EBF1: variants seen among roughly 807,000 people sequenced by gnomAD.
The protein encoded by EBF1 is transcription factor COE1.
A neutral mutation model predicts 68.4 loss-of-function variants in EBF1; 10 were observed. The observed-to-expected ratio is 0.15, with a 90% CI of 0.09 to 0.25. EBF1 has a LOEUF of 0.25. Ranked by LOEUF, EBF1 falls within the 10% of genes least tolerant of loss-of-function variation. EBF1 has a pLI of 1.00. For missense variants in EBF1, 509 were observed against 794.4 expected, an observed-to-expected ratio of 0.64 and a Z score of 4.32; for synonymous variants, 298 against 299.8, an observed-to-expected ratio of 0.99 and a Z score of 0.06.
chr5:158,896,082 TAAAAG>T (rs1258544444), intron 6 of EBF1, among the ~76,000 whole-genome samples: 1 of 151,934 alleles, frequency 6.6e-6, no homozygotes, highest in Non-Finnish European at 1.5e-5. Flanking sequence ...ACAAAGTCAA[TAAAAG>T]AAAGAAATAA....
intron 10 of EBF1, among the ~76,000 whole-genome samples, chr5:158,748,796 G>A (rs1262147533): frequency 6.6e-6 from 1 of 152,164 alleles, no homozygotes; most frequent in Non-Finnish European, 1.5e-5. Flanking sequence ...ATGCCATTCT[G>A]CCCTCTGAAT....
chr5:158,956,863 A>T (rs905754322), intron 6 of EBF1, among the ~76,000 whole-genome samples: 1 of 146,722 alleles, frequency 6.8e-6, no homozygotes, highest in African/African-American at 2.6e-5. Context: ...GGTTCACACC[A>T]TTCTCCTGCC....
chr5:158,735,266 C>A (rs968459069), intron 10 of EBF1, among the ~76,000 whole-genome samples: 2 of 152,164 alleles, frequency 1.3e-5, no homozygotes, highest in African/African-American at 4.8e-5. Flanking sequence ...ATAGTCACCT[C>A]CTCTGCTCCT....
At position 158,766,292 on chromosome 5, in the gene EBF1, G is replaced by A. The variant is rs529897613; in HGVS notation, c.1036+11121C>T. 1.3e-3 allele frequency among the ~76,000 whole-genome samples: 193 copies of A among 152,242 alleles called. 3 individuals carry two copies. In the South Asian group the frequency reaches 0.013, roughly 10 times the overall value. ...AAAGCACCATGCATAGATTTAAAAA[G>A]AGGTGTATCACAAACAACTTAGAAG... On this transcript the variant is annotated intron_variant, in intron 10 of 15. Transcript: ENST00000313708.
chr5:158,731,231 G>T, intron 10 of EBF1, 74 bp from the exon 11 acceptor site: 1 of 1,391,084 alleles, frequency 7.2e-7, no homozygotes, highest in Non-Finnish European at 1.0e-6. Flanking sequence ...CACTAATGGT[G>T]TGGAAATAAC....
chr5:158,962,787 C>T (rs1228024365), intron 6 of EBF1, among the ~76,000 whole-genome samples: 1 of 152,212 alleles, frequency 6.6e-6, no homozygotes, highest in Non-Finnish European at 1.5e-5. Context: ...CGAGCCATCT[C>T]TGCAGCCTCC....
chr5:158,727,572 A>G lies in EBF1; in HGVS notation c.1125+3497T>C, dbSNP rs150339510. On this transcript the variant is annotated intron_variant, in intron 11 of 15. Transcript: ENST00000313708. Reference sequence around the variant, plus strand: ...GTATGAAACAGAACAGAATGCTGTGATTTAAAAACCTTAGCCTGCCCTTTT... The same window carrying G: ...GTATGAAACAGAACAGAATGCTGTGGTTTAAAAACCTTAGCCTGCCCTTTT... Among the ~76,000 whole-genome samples the G allele has an allele frequency of 2.5e-4, 38 of 152,352 alleles. 1 individual carries two copies. The East Asian group carries it at 7.1e-3, about 29-fold the overall frequency.
In EBF1 at chr5:158,711,999, A is replaced by T. The variant is rs569652852; in HGVS notation, c.1549+155T>A. 1.2e-4 allele frequency among the ~76,000 whole-genome samples: 18 copies of T among 152,328 alleles called. 1 individual carries two copies. The highest frequency in any genetic ancestry group is 3.4e-4 in the African/African-American group (14 of 41,578). Reference sequence around the variant, plus strand: ...AGAGCGGAGATTCCTGCTGGAGACGATGGTGCCTTTAGCACCATCACCCAG... The same window carrying T: ...AGAGCGGAGATTCCTGCTGGAGACGTTGGTGCCTTTAGCACCATCACCCAG... On this transcript the variant is annotated intron_variant, in intron 14 of 15. Coordinates refer to ENST00000313708, the MANE Select transcript of EBF1 (RefSeq NM_024007.5).
intron 11 of EBF1, among the ~76,000 whole-genome samples, chr5:158,726,424 C>T (rs577123850): frequency 1.3e-5 from 2 of 152,272 alleles, no homozygotes; most frequent in Admixed American, 1.3e-4. Flanking sequence ...AGTGTAATTA[C>T]TCTTTTTTAA....
intron 10 of EBF1, among the ~76,000 whole-genome samples, chr5:158,769,983 A>C (rs1773548426): frequency 6.6e-6 from 1 of 152,068 alleles, no homozygotes. Flanking sequence ...AAGTGAAAAC[A>C]ATCTGACAAA....
chr5:158,897,436 G>A (rs1802389910), intron 6 of EBF1, among the ~76,000 whole-genome samples: 1 of 152,152 alleles, frequency 6.6e-6, no homozygotes, highest in Non-Finnish European at 1.5e-5. Context: ...TTGGAGGAGG[G>A]AGAGGATGAG....
At chr5:158,920,136 G>C (rs1202799510) in intron 6 of EBF1, among the ~76,000 whole-genome samples, 1 of 151,850 alleles carries the variant, frequency 6.6e-6, no homozygotes, top group East Asian at 1.9e-4. Flanking sequence ...TCCAAAAAAG[G>C]TGCTCATTAT....
chr5:158,851,812 G>GGTTCTTGTTTGCGTTAGA, intron 6 of EBF1, among the ~76,000 whole-genome samples: 1 of 98,942 alleles, frequency 1.0e-5, no homozygotes, highest in Non-Finnish European at 2.1e-5. Flanking sequence ...GGAGGGAAGG[G>GGTTCTTGTTTGCGTTAGA]AAGGGAATAG....
intron 4 of EBF1, among the ~76,000 whole-genome samples, chr5:159,091,883 A>C (rs1561997056): frequency 6.6e-6 from 1 of 152,210 alleles, no homozygotes; most frequent in Non-Finnish European, 1.5e-5. Flanking sequence ...GGATTATGTG[A>C]CTACGATTTC....
At position 158,954,063 on chromosome 5, in the gene EBF1, T is replaced by C. The variant is rs190871969; in HGVS notation, c.555-113953A>G. Among the ~76,000 whole-genome samples, 60 of 152,330 alleles carry C rather than the reference T, an allele frequency of 3.9e-4. 1 individual carries two copies. Among genetic ancestry groups the C allele is most frequent in the Admixed American group, 2.7e-3 (42 of 15,304 alleles). On this transcript the variant is annotated intron_variant, in intron 6 of 15. Transcript: ENST00000313708. ...CTCAGGTTTAGGGAACTGAAAGTCG[T>C]ATGTGCCTGTGTAATATTGTGCTGA...
At chr5:159,016,078 G>C (rs1304600975) in intron 6 of EBF1, among the ~76,000 whole-genome samples, 2 of 152,216 alleles carry the variant, frequency 1.3e-5, no homozygotes, top group African/African-American at 4.8e-5. Context: ...AGACTGTCAA[G>C]TGTTCCTCCT....
chr5:158,976,165 T>C (rs887348346), intron 6 of EBF1, among the ~76,000 whole-genome samples: 47 of 152,290 alleles, frequency 3.1e-4, no homozygotes, highest in Non-Finnish European at 6.0e-4. Context: ...CATAGCAAAG[T>C]AGTGATTCAT....
intron 6 of EBF1, among the ~76,000 whole-genome samples, chr5:158,904,636 A>G (rs1562263052): frequency 6.6e-6 from 1 of 152,182 alleles, no homozygotes; most frequent in Non-Finnish European, 1.5e-5. Flanking sequence ...ACTGAATTTG[A>G]CTTTTTTCGA....
At chr5:159,045,725 A>C (rs1772246237) in intron 6 of EBF1, among the ~76,000 whole-genome samples, 2 of 152,238 alleles carry the variant, frequency 1.3e-5, no homozygotes. Flanking sequence ...GTTTGGCTAA[A>C]TCAAATTGTG....
Sources: allele counts gnomAD v4.1 joint callset (sites outside exome capture counted in the v4.1 genomes callset), GRCh38; gene constraint gnomAD v4.1.1; transcripts MANE v1.5; gene names NCBI Gene and HGNC (gene_info 2026-07-23, HGNC 2026-07-21).